PIK3CD: variants seen among roughly 807,000 people sequenced by gnomAD.
The protein encoded by PIK3CD is phosphatidylinositol-4,5-bisphosphate 3-kinase catalytic subunit delta, also known as phosphatidylinositol 4,5-bisphosphate 3-kinase catalytic subunit delta isoform.
PIK3CD carries 20 observed loss-of-function variants against 122.9 expected under a neutral mutation model. That is an observed-to-expected ratio of 0.16 (90% CI 0.11 to 0.24). The LOEUF is 0.24. Among genes scored for constraint, PIK3CD ranks in the 10% least tolerant of loss-of-function variants. The pLI is 1.00. For missense variants in PIK3CD, 787 were observed against 1,406.3 expected (o/e 0.56, Z 7.04); for synonymous variants, 596 against 593.4 (o/e 1.00, Z -0.06).
intron 1 of PIK3CD, chr1:9,662,304 C>T (rs758912740): frequency 9.8e-5 from 15 of 153,558 alleles, no homozygotes; most frequent in Non-Finnish European, 2.0e-4. Context: ...GGCCCATTCA[C>T]GGATCTTTTT....
At chr1:9,684,510 C>G (rs1335970673) in intron 1 of PIK3CD, among the ~76,000 whole-genome samples, 3 of 148,202 alleles carry the variant, frequency 2.0e-5, no homozygotes, top group Non-Finnish European at 3.0e-5. Flanking sequence ...GTACTCCAGC[C>G]TGGGCGACAG....
rs1646570391 is a variant in PIK3CD, at chr1:9,700,075, C to T, written c.-33+8504C>T. Reference sequence around the variant, plus strand: ...TATTATATTCCAGTGCTTTTACTACCTGAAGCATCTTGTTTATCTATTTGT... The same window carrying T: ...TATTATATTCCAGTGCTTTTACTACTTGAAGCATCTTGTTTATCTATTTGT... On this transcript the variant is annotated intron_variant, in intron 2 of 23. Coordinates refer to ENST00000377346, the MANE Select transcript of PIK3CD (RefSeq NM_005026.5). This position sits in a 1 kb window ranked among gnomAD's most constrained non-coding sequence, Gnocchi z 5.1. 6.6e-6 allele frequency among the ~76,000 whole-genome samples: 1 copy of T among 152,182 alleles called. No homozygotes were observed. Among genetic ancestry groups the T allele is most frequent in the Admixed American group, 6.5e-5 (1 of 15,278 alleles).
At chr1:9,690,874 G>A (rs938310412) in intron 1 of PIK3CD, among the ~76,000 whole-genome samples, 1 of 152,188 alleles carries the variant, frequency 6.6e-6, no homozygotes, top group African/African-American at 2.4e-5. Flanking sequence ...TGGGTCTTTA[G>A]ACTGGGCTGG....
At chr1:9,654,649 T>G (rs1230478251) in intron 1 of PIK3CD, 1 of 359,990 alleles carries the variant, frequency 2.8e-6, no homozygotes, top group Non-Finnish European at 5.4e-6. Flanking sequence ...TGGGTTATTT[T>G]CAAAACCATT....
chr1:9,654,144 C>G, intron 1 of PIK3CD: 1 of 1,265,266 alleles, frequency 7.9e-7, no homozygotes, highest in Non-Finnish European at 1.1e-6. Context: ...AGCCCCACTT[C>G]CCCCGCCCTT....
the PIK3CD span, among the ~76,000 whole-genome samples, chr1:9,633,709 T>G: frequency 6.6e-6 from 1 of 152,226 alleles, no homozygotes; most frequent in Non-Finnish European, 1.5e-5. Context: ...TGAGGGCTAA[T>G]TTCTTCTTTC....
the PIK3CD span, among the ~76,000 whole-genome samples, chr1:9,627,416 G>A: frequency 6.6e-6 from 1 of 152,258 alleles, no homozygotes; most frequent in African/African-American, 2.4e-5. Flanking sequence ...GAGAGCACGA[G>A]CATCCAACAG....
intron 23 of PIK3CD, 127 bp downstream of exon 23, chr1:9,725,063 G>A (rs571272388): frequency 2.2e-5 from 27 of 1,210,090 alleles, no homozygotes; most frequent in East Asian, 5.0e-5. Flanking sequence ...GCCTCATGCC[G>A]TCCCAGGACC....
chr1:9,672,217 C>T (rs767688875), intron 1 of PIK3CD, among the ~76,000 whole-genome samples: 10 of 152,266 alleles, frequency 6.6e-5, no homozygotes, highest in Admixed American at 5.2e-4. Flanking sequence ...ATTTTACATT[C>T]GATTCCATGA....
In PIK3CD at chr1:9,709,449, G is replaced by A. The variant is rs117638167; in HGVS notation, c.-32-975G>A. Among the ~76,000 whole-genome samples the A allele has an allele frequency of 5.4e-3, 813 of 151,586 alleles. 18 individuals carry two copies. The highest frequency in any genetic ancestry group is 0.044 in the East Asian group (226 of 5,096). On this transcript the variant is annotated intron_variant, in intron 2 of 23. Transcript: ENST00000377346. The stretch of plus-strand genomic sequence containing the variant: ...AGGCTGGATATGGTGGCTCATGTCT[G>A]TAATCCCAGCACTTTGGGAGGCCAG...
At chr1:9,656,942 CAAAAAAAA>C (rs56008596) in intron 1 of PIK3CD, among the ~76,000 whole-genome samples, 1 of 115,016 alleles carries the variant, frequency 8.7e-6, no homozygotes, top group East Asian at 2.3e-4. Flanking sequence ...GACTCCATCT[CAAAAAAAA>C]AAAAAAAAAA....
At position 9,653,723 on chromosome 1, in the gene PIK3CD, G is replaced by A; in HGVS notation, c.-138+1921G>A. ...AGATATAAATAGAGCTTTCTCTTTGGCTCTCTCTAGAGCAGAAATGCCAAC... is the reference window on the plus strand; with the variant it reads ...AGATATAAATAGAGCTTTCTCTTTGACTCTCTCTAGAGCAGAAATGCCAAC... On this transcript the variant is annotated intron_variant, in intron 1 of 23. Coordinates refer to ENST00000377346, the MANE Select transcript of PIK3CD (RefSeq NM_005026.5). 2.8e-6 allele frequency: 3 copies of A among 1,090,506 alleles called. No homozygotes were observed. In the South Asian group the frequency reaches 3.9e-5, roughly 14 times the overall value. The allele number at this position is 1,090,506 out of a possible 1,614,324, so 67.6% of individuals were successfully genotyped here. A position where few individuals can be genotyped will look rare whatever the true frequency, so the allele number is the denominator to read the frequency against.
chr1:9,667,053 G>A (rs576291586), intron 1 of PIK3CD, among the ~76,000 whole-genome samples: 49 of 152,194 alleles, frequency 3.2e-4, no homozygotes, highest in African/African-American at 1.0e-3. Flanking sequence ...TAGTAGATAC[G>A]GGGTTTCACC....
chr1:9,671,990 C>T (rs1001761362), intron 1 of PIK3CD, among the ~76,000 whole-genome samples: 7 of 152,144 alleles, frequency 4.6e-5, no homozygotes, highest in Non-Finnish European at 8.8e-5. Flanking sequence ...CAAGGCAGCA[C>T]CCCAGGAGCC....
At chr1:9,691,406 T>C in intron 1 of PIK3CD, 61 bp from the exon 2 acceptor site, 1 of 397,524 alleles carries the variant, frequency 2.5e-6, no homozygotes. Context: ...ATGCACAGGT[T>C]TCTGAAATTC....
Position 9,660,361 on chromosome 1 carries a change from T to C in PIK3CD, c.-138+8559T>C, listed in dbSNP as rs145485044. ...AGTTCTCTCAGGTATATACCCAAAT[T>C]GCTGGATCATATGGTAATCCAATTT... On this transcript the variant is annotated intron_variant, in intron 1 of 23. Coordinates refer to ENST00000377346, the MANE Select transcript of PIK3CD (RefSeq NM_005026.5). Among the ~76,000 whole-genome samples the C allele has an allele frequency of 2.6e-3, 402 of 152,350 alleles. 3 individuals are homozygous for C. Among genetic ancestry groups the C allele is most frequent in the African/African-American group, 8.9e-3 (371 of 41,582 alleles).
At position 9,720,329 on chromosome 1, in the gene PIK3CD, C is replaced by T; in HGVS notation, c.1470+87C>T. On this transcript the variant is annotated intron_variant, in intron 11 of 23. Transcript: ENST00000377346. This position sits in a 1 kb window ranked among gnomAD's most constrained non-coding sequence, Gnocchi z 9.0. ...CCTGGAGCTCTTCAGAGGGTGCTCCCTGGCCACGTCGGGGCTGGGCTACCA... is the reference window on the plus strand; with the variant it reads ...CCTGGAGCTCTTCAGAGGGTGCTCCTTGGCCACGTCGGGGCTGGGCTACCA... The T allele has an allele frequency of 1.3e-6, 2 of 1,490,324 alleles. No homozygotes were observed. Among genetic ancestry groups the T allele is most frequent in the Non-Finnish European group, 1.8e-6 (2 of 1,108,136 alleles). The allele number at this position is 1,490,324 out of a possible 1,614,324, so 92.3% of individuals were successfully genotyped here.
intron 1 of PIK3CD, among the ~76,000 whole-genome samples, chr1:9,669,250 C>T (rs1282944005): frequency 1.3e-5 from 2 of 152,184 alleles, no homozygotes; most frequent in African/African-American, 4.8e-5. Context: ...CTCATTGCAG[C>T]CTCAGTCTCC....
Position 9,729,027 on chromosome 1 carries a change from T to G in PIK3CD, c.*1981T>G, listed in dbSNP as rs912811973. On this transcript the variant is annotated 3_prime_UTR_variant, in exon 24 of 24. Transcript: ENST00000377346. ...AGACAAACCCCGCTCCGGCTGGAGT[T>G]AGTTAGAACCAGAACTTTATTGTAG... 5.3e-5 allele frequency: 8 copies of G among 152,102 alleles called. No individual in the cohort carries two copies. The highest frequency in any genetic ancestry group is 3.8e-4 in the East Asian group (2 of 5,196). 9.4% of individuals were successfully genotyped at this position (152,102 alleles called of 1,614,324 possible). A position where few individuals can be genotyped will look rare whatever the true frequency, so the allele number is the denominator to read the frequency against.
Sources: gnomAD v4.1 joint callset for allele counts (sites outside exome capture counted in the v4.1 genomes callset) on GRCh38, gnomAD v4.1.1 for gene constraint, Gnocchi (gnomAD v3.1) non-coding constraint, MANE v1.5 for transcripts, NCBI Gene and HGNC (gene_info 2026-07-23, HGNC 2026-07-21) for gene names.